LDLRAD4: variants seen among roughly 807,000 people sequenced by gnomAD.
LDLRAD4 encodes the protein low-density lipoprotein receptor class A domain-containing protein 4.
Under a neutral mutation model 17.0 loss-of-function variants are expected in LDLRAD4, and 5 were observed. That is an observed-to-expected ratio of 0.29 (90% CI 0.15 to 0.62). LDLRAD4 has a LOEUF of 0.62. LDLRAD4 is among the 20% of genes least tolerant of loss of function. The probability of loss-of-function intolerance (pLI) is 0.84; values close to 1 mark genes in which losing one functional copy is unlikely to be tolerated. For missense variants in LDLRAD4, 340 were observed against 424.7 expected (o/e 0.80, Z 1.75); for synonymous variants, 168 against 171.8 (o/e 0.98, Z 0.17).
intron 1 of LDLRAD4, among the ~76,000 whole-genome samples, chr18:13,271,952 G>A (rs897605178): frequency 1.4e-4 from 20 of 143,858 alleles, no homozygotes; most frequent in Admixed American, 1.1e-3. Context: ...CTGGAGTGCA[G>A]TGGCACAATC....
intron 3 of LDLRAD4, among the ~76,000 whole-genome samples, chr18:13,502,737 G>A (rs1174194924): frequency 2.6e-5 from 4 of 152,222 alleles, no homozygotes; most frequent in African/African-American, 9.6e-5. Context: ...CCACACCCAT[G>A]GACGTGATCT....
intron 3 of LDLRAD4, among the ~76,000 whole-genome samples, chr18:13,505,079 G>A (rs1034041126): frequency 6.6e-6 from 1 of 152,198 alleles, no homozygotes; most frequent in Non-Finnish European, 1.5e-5. Context: ...TCCCTGGCAT[G>A]CTGTGGGGGC....
chr18:13,285,843 C>G (rs1230075550), intron 1 of LDLRAD4, among the ~76,000 whole-genome samples: 2 of 152,138 alleles, frequency 1.3e-5, no homozygotes, highest in African/African-American at 4.8e-5. Flanking sequence ...GTTTCTCAAA[C>G]TTTTTGTCCC....
intron 2 of LDLRAD4, among the ~76,000 whole-genome samples, chr18:13,390,248 G>A (rs938795552): frequency 6.6e-6 from 1 of 152,208 alleles, no homozygotes; most frequent in Non-Finnish European, 1.5e-5. Flanking sequence ...GTGTGCCAGC[G>A]GCAGTGGTGG....
At position 13,594,665 on chromosome 18, in the gene LDLRAD4, C is replaced by CAAAAAAAAAAAAAAAAAAAAAAA. The variant is rs56035558; in HGVS notation, c.182-26450_182-26428dup. ...TGGGTGACAGAGCAAGATTCCATCT[C>CAAAAAAAAAAAAAAAAAAAAAAA]AAAAAAAAAAAAAAAAAAAAAAAAG... On this transcript the variant is annotated intron_variant, in intron 3 of 5. Coordinates refer to ENST00000359446, the Ensembl canonical transcript of LDLRAD4. Among the ~76,000 whole-genome samples the CAAAAAAAAAAAAAAAAAAAAAAA allele has an allele frequency of 2.0e-4, 6 of 29,596 alleles. 1 individual carries two copies. Among genetic ancestry groups the CAAAAAAAAAAAAAAAAAAAAAAA allele is most frequent in the African/African-American group, 1.7e-4 (2 of 11,434 alleles). 19.4% of individuals were successfully genotyped at this position (29,596 alleles called of 152,430 possible).
chr18:13,645,008 G>A lies in LDLRAD4; in HGVS notation c.391-119G>A, dbSNP rs2042941411. ...TTCCTGTTTTCTTTTTTTTTTTCCTGGGAGATGGTGTTCAAACTGGTAGGA... is the reference window on the plus strand; with the variant it reads ...TTCCTGTTTTCTTTTTTTTTTTCCTAGGAGATGGTGTTCAAACTGGTAGGA... On this transcript the variant is annotated intron_variant, in intron 5 of 5. Transcript: ENST00000359446. The surrounding 1 kb of genome is among the most constrained non-coding windows in gnomAD (Gnocchi z 5.7). The A allele has an allele frequency of 2.6e-6, 2 of 775,260 alleles. No homozygotes were observed. The highest frequency in any genetic ancestry group is 3.5e-5 in the African/African-American group (2 of 57,118). 48.0% of individuals were successfully genotyped at this position (775,260 alleles called of 1,614,324 possible). A position where few individuals can be genotyped will look rare whatever the true frequency, so the allele number is the denominator to read the frequency against.
intron 1 of LDLRAD4, among the ~76,000 whole-genome samples, chr18:13,258,802 A>G (rs1224926956): frequency 6.6e-6 from 1 of 152,178 alleles, no homozygotes; most frequent in Non-Finnish European, 1.5e-5. Context: ...TTCTTTAGCT[A>G]GATTACCAAT....
At chr18:13,575,421 A>G (rs7229662) in intron 3 of LDLRAD4, among the ~76,000 whole-genome samples, 51,276 of 152,162 alleles carry the variant, frequency 0.34, 10,030 homozygotes, top group South Asian at 0.48. Flanking sequence ...ATGGCTGAGT[A>G]GTATTCCATG....
intron 4 of LDLRAD4, among the ~76,000 whole-genome samples, chr18:13,640,165 C>T (rs2155898): frequency 0.59 from 89,345 of 151,486 alleles, 28,293 homozygotes; most frequent in Non-Finnish European, 0.72. Flanking sequence ...TGGTGGCGGG[C>T]GCCTGTAGTC....
intron 1 of LDLRAD4, among the ~76,000 whole-genome samples, chr18:13,252,033 AG>A (rs926849705): frequency 6.6e-6 from 1 of 152,254 alleles, no homozygotes; most frequent in Admixed American, 6.5e-5. Flanking sequence ...GATTGTTTGG[AG>A]GGGACTTGGG....
intron 1 of LDLRAD4, among the ~76,000 whole-genome samples, chr18:13,224,621 A>G (rs1488660648): frequency 1.3e-5 from 2 of 150,912 alleles, no homozygotes; most frequent in African/African-American, 4.9e-5. Flanking sequence ...CTGGGATTAC[A>G]GGCACGTGCC....
At chr18:13,303,804 C>T (rs187571295) in intron 1 of LDLRAD4, among the ~76,000 whole-genome samples, 1 of 152,238 alleles carries the variant, frequency 6.6e-6, no homozygotes, top group East Asian at 1.9e-4. Context: ...TTTCTGGGGA[C>T]CTCTTGTTGA....
At chr18:13,435,508 A>G (rs1025113993) in intron 2 of LDLRAD4, among the ~76,000 whole-genome samples, 1 of 152,194 alleles carries the variant, frequency 6.6e-6, no homozygotes, top group African/African-American at 2.4e-5. Context: ...GAGCAGTAGC[A>G]TGATCATAGC....
chr18:13,624,895 T>C (rs1475921782), intron 4 of LDLRAD4, among the ~76,000 whole-genome samples: 1 of 152,116 alleles, frequency 6.6e-6, no homozygotes, highest in African/African-American at 2.4e-5. Context: ...GGAGGATGAG[T>C]GTGTCTGGGC....
intron 1 of LDLRAD4, among the ~76,000 whole-genome samples, chr18:13,345,748 A>G (rs1192809997): frequency 6.6e-6 from 1 of 152,092 alleles, no homozygotes; most frequent in East Asian, 1.9e-4. Flanking sequence ...TATTGCCTCA[A>G]TTTCAGAGCC....
chr18:13,310,398 G>A (rs1210748804), intron 1 of LDLRAD4, among the ~76,000 whole-genome samples: 1 of 152,002 alleles, frequency 6.6e-6, no homozygotes, highest in African/African-American at 2.4e-5. Context: ...GCAAGGACAT[G>A]CAGTTGGATA....
chr18:13,296,687 T>G (rs1217011344), intron 1 of LDLRAD4, among the ~76,000 whole-genome samples: 1 of 152,172 alleles, frequency 6.6e-6, no homozygotes, highest in African/African-American at 2.4e-5. Context: ...ATAAACAGCC[T>G]TTTATTATTT....
At chr18:13,640,574 A>G (rs2042456923) in intron 4 of LDLRAD4, among the ~76,000 whole-genome samples, 1 of 152,190 alleles carries the variant, frequency 6.6e-6, no homozygotes, top group Non-Finnish European at 1.5e-5. Flanking sequence ...CCAGCAAGCA[A>G]AATGAATAGG....
chr18:13,223,163 T>C (rs1164651537), intron 1 of LDLRAD4, among the ~76,000 whole-genome samples: 1 of 152,198 alleles, frequency 6.6e-6, no homozygotes, highest in African/African-American at 2.4e-5. Context: ...TGATTTGCTC[T>C]TCTCTTTGTG....
Sources: allele counts gnomAD v4.1 joint callset (sites outside exome capture counted in the v4.1 genomes callset), GRCh38; gene constraint gnomAD v4.1.1; non-coding constraint Gnocchi (gnomAD v3.1); transcripts MANE v1.5; gene names NCBI Gene and HGNC (gene_info 2026-07-23, HGNC 2026-07-21).